NF1: variants seen among roughly 807,000 people sequenced by gnomAD.
NF1 encodes neurofibromin.
A neutral mutation model predicts 325.7 loss-of-function variants in NF1; 122 were observed. That is an observed-to-expected ratio of 0.37 (90% CI 0.32 to 0.44). NF1 has a LOEUF of 0.44. Among genes scored for constraint, NF1 ranks in the 20% least tolerant of loss-of-function variants. The pLI is 1.00. For synonymous variants in NF1, 1,091 were observed against 1,186.0 expected, an observed-to-expected ratio of 0.92 and a Z score of 1.65; for missense variants, 2,140 against 3,415.4, an observed-to-expected ratio of 0.63 and a Z score of 9.31.
intron 36 of NF1, among the ~76,000 whole-genome samples, chr17:31,277,337 G>A (rs1020945671): frequency 3.3e-5 from 5 of 152,204 alleles, no homozygotes; most frequent in East Asian, 1.9e-4. Flanking sequence ...TTCTATCAAC[G>A]CCTACTAGAA....
rs149603406 is a variant in NF1 at position 31,338,718 on chromosome 17, C to T, written c.6834C>T (p.Cys2278=). ...TTTCCTAAAAGGCACTTGAGAGTTGCTTAAAAGGACCTGACACTTACAACA... is the reference window on the plus strand; with the variant it reads ...TTTCCTAAAAGGCACTTGAGAGTTGTTTAAAAGGACCTGACACTTACAACA... ...IRILSKALES[C]LKGPDTYNSQ... Residue 2278 remains cysteine (C), a synonymous_variant, in exon 46 of 58, where the codon TGC becomes TGT. Coordinates refer to ENST00000358273, the MANE Select transcript of NF1 (RefSeq NM_001042492.3). 6.2e-6 allele frequency: 10 copies of T among 1,612,836 alleles called. No individual in the cohort carries two copies. The highest frequency in any genetic ancestry group is 5.0e-5 in the Admixed American group (3 of 59,980).
intron 8 of NF1, among the ~76,000 whole-genome samples, chr17:31,197,390 A>C (rs544843183): frequency 3.9e-4 from 55 of 140,996 alleles, no homozygotes; most frequent in Middle Eastern, 4.1e-3. Context: ...GGATTTTGAT[A>C]GGGATTGCAT....
intron 13 of NF1, among the ~76,000 whole-genome samples, chr17:31,217,066 T>TC (rs2066831305): frequency 6.6e-6 from 1 of 152,172 alleles, no homozygotes; most frequent in Admixed American, 6.5e-5. Context: ...GATGATATCT[T>TC]CCCCCATGAG....
chr17:31,319,493 A>C (rs903386538), intron 36 of NF1, among the ~76,000 whole-genome samples: 1 of 152,074 alleles, frequency 6.6e-6, no homozygotes, highest in Non-Finnish European at 1.5e-5. Flanking sequence ...AATAAATGCA[A>C]ATTTTTTTGG....
chr17:31,156,523 C>T (rs2065665520), intron 2 of NF1, among the ~76,000 whole-genome samples: 1 of 152,130 alleles, frequency 6.6e-6, no homozygotes, highest in Non-Finnish European at 1.5e-5. Context: ...AATTTACTTA[C>T]GGTTGTCCCA....
chr17:31,153,933 T>C (rs1025051215), intron 1 of NF1, among the ~76,000 whole-genome samples: 4 of 152,042 alleles, frequency 2.6e-5, no homozygotes, highest in Non-Finnish European at 5.9e-5. Flanking sequence ...TTTGTAACTA[T>C]AAATGGTTTG....
chr17:31,352,117 T>A lies in NF1; in HGVS notation c.7458-140T>A, dbSNP rs1200487564. The A allele has an allele frequency of 4.0e-6, 3 of 749,606 alleles. No homozygotes were observed. The African/African-American group carries it at 5.2e-5, about 13-fold the overall frequency. The allele number at this position is 749,606 out of a possible 1,614,324, so 46.4% of individuals were successfully genotyped here. ...CCTAGGGATACACCAAGAGTTTGTA[T>A]CCTAAAGCCCTTTAAAGTGCAATTT... On this transcript the variant is annotated intron_variant, in intron 50 of 57. Transcript: ENST00000358273.
chr17:31,223,717 A>G, intron 16 of NF1, 150 bp downstream of exon 16: 1 of 719,416 alleles, frequency 1.4e-6, no homozygotes, highest in South Asian at 1.7e-5. Context: ...GCAGAGGACA[A>G]TGACTGGCAA....
chr17:31,233,361 A>G, intron 27 of NF1, 148 bp downstream of exon 27: 2 of 838,212 alleles, frequency 2.4e-6, no homozygotes, highest in Non-Finnish European at 3.9e-6. Flanking sequence ...TTTCAGCTGT[A>G]GGGAAGTGGT....
intron 36 of NF1, chr17:31,296,262 A>AGG: frequency 6.2e-7 from 1 of 1,614,164 alleles, no homozygotes; most frequent in Non-Finnish European, 8.5e-7. Context: ...GGACAAATGC[A>AGG]TAAAATACCA....
At chr17:31,362,923 G>A (rs1302353735) in intron 57 of NF1, among the ~76,000 whole-genome samples, 1 of 152,138 alleles carries the variant, frequency 6.6e-6, no homozygotes, top group African/African-American at 2.4e-5. Flanking sequence ...CAAATCATTT[G>A]CTTTGGTGAA....
chr17:31,183,032 G>A, intron 8 of NF1: 1 of 520,258 alleles, frequency 1.9e-6, no homozygotes, highest in South Asian at 3.6e-5. Flanking sequence ...TGTACTTAGG[G>A]TATGTGTCCA....
intron 1 of NF1, among the ~76,000 whole-genome samples, chr17:31,130,757 C>T (rs1052317470): frequency 1.3e-4 from 20 of 152,266 alleles, no homozygotes; most frequent in African/African-American, 4.6e-4. Flanking sequence ...GGTGCTTGCA[C>T]GCATGTGTGC....
intron 29 of NF1, among the ~76,000 whole-genome samples, chr17:31,247,671 G>A (rs191728001): frequency 5.3e-4 from 81 of 152,238 alleles, no homozygotes; most frequent in Admixed American, 5.3e-3. Flanking sequence ...TCATTTTTAG[G>A]TAGCTGCCTT....
At chr17:31,161,235 T>C (rs573148471) in intron 3 of NF1, among the ~76,000 whole-genome samples, 1 of 152,356 alleles carries the variant, frequency 6.6e-6, no homozygotes, top group Admixed American at 6.5e-5. Context: ...TTAATACTTC[T>C]TAGATTTTTA....
intron 48 of NF1, among the ~76,000 whole-genome samples, chr17:31,344,358 C>A (rs1424233349): frequency 2.6e-5 from 4 of 152,172 alleles, no homozygotes; most frequent in Non-Finnish European, 5.9e-5. Flanking sequence ...ATGGGGCAGT[C>A]ATGGCCAGAG....
chr17:31,172,351 G>GTC (rs968759244), intron 5 of NF1, among the ~76,000 whole-genome samples: 67 of 39,394 alleles, frequency 1.7e-3, no homozygotes, highest in Non-Finnish European at 3.4e-3. Context: ...CTGTCTCTCT[G>GTC]TCTCTCTCTC....
At chr17:31,273,184 G>T (rs994637177) in intron 36 of NF1, among the ~76,000 whole-genome samples, 1 of 152,158 alleles carries the variant, frequency 6.6e-6, no homozygotes, top group Admixed American at 6.5e-5. Context: ...GATTTCTCAT[G>T]ACCTTTATTC....
chr17:31,170,010 G>A lies in NF1; in HGVS notation c.586+13G>A, dbSNP rs746178655. The A allele has an allele frequency of 1.9e-6, 3 of 1,538,602 alleles. No individual in the cohort carries two copies. Among genetic ancestry groups the A allele is most frequent in the Non-Finnish European group, 2.7e-6 (3 of 1,113,142 alleles). ...CGACTCCTGAAGGGTAAGTTTAAAT[G>A]TATAATATATCTGAAAAAAATCACT... On this transcript the variant is annotated intron_variant, in intron 5 of 57. Coordinates refer to ENST00000358273, the MANE Select transcript of NF1 (RefSeq NM_001042492.3).
Sources: allele counts gnomAD v4.1 joint callset (sites outside exome capture counted in the v4.1 genomes callset), GRCh38; gene constraint gnomAD v4.1.1; transcripts MANE v1.5; gene names NCBI Gene and HGNC (gene_info 2026-07-23, HGNC 2026-07-21).